DICER1: variants seen among roughly 807,000 people sequenced by gnomAD.
The protein encoded by DICER1 is endoribonuclease Dicer.
DICER1 carries 43 observed loss-of-function variants against 194.1 expected under a neutral mutation model. The observed-to-expected ratio is 0.22, with a 90% CI of 0.17 to 0.29. The LOEUF (loss-of-function observed/expected upper bound fraction) is 0.29. Among genes scored for constraint, DICER1 ranks in the 10% least tolerant of loss-of-function variants. DICER1 has a pLI of 1.00. For missense variants in DICER1, 1,608 were observed against 2,317.0 expected (o/e 0.69, Z 6.28); for synonymous variants, 832 against 820.5 (o/e 1.01, Z -0.24).
intron 1 of DICER1, among the ~76,000 whole-genome samples, chr14:95,135,770 T>C (rs1894316099): frequency 6.6e-6 from 1 of 152,230 alleles, no homozygotes; most frequent in Admixed American, 6.5e-5. Flanking sequence ...TATTCCTCCA[T>C]GTGTGTTTGT....
intron 7 of DICER1, among the ~76,000 whole-genome samples, chr14:95,126,108 T>C (rs1266768571): frequency 6.6e-6 from 1 of 152,178 alleles, no homozygotes; most frequent in Non-Finnish European, 1.5e-5. Flanking sequence ...AATTCAGTCC[T>C]GAGGACCCCA....
intron 1 of DICER1, among the ~76,000 whole-genome samples, chr14:95,146,221 C>T (rs1230746549): frequency 1.3e-5 from 2 of 152,202 alleles, no homozygotes; most frequent in Non-Finnish European, 1.5e-5. Context: ...TTCAAGAGAA[C>T]TACAAGTCCC....
intron 1 of DICER1, among the ~76,000 whole-genome samples, chr14:95,137,513 AGGAAAAG>A (rs1455497693): frequency 6.9e-6 from 1 of 145,256 alleles, no homozygotes; most frequent in African/African-American, 2.5e-5. Flanking sequence ...GGGAAGGGGA[AGGAAAAG>A]GGAAAGGGGA....
chr14:95,147,564 A>ATACAC, intron 1 of DICER1, among the ~76,000 whole-genome samples: 1 of 152,348 alleles, frequency 6.6e-6, no homozygotes, highest in South Asian at 2.1e-4. Flanking sequence ...CTTTGTTCTC[A>ATACAC]CACACCACAT....
chr14:95,140,205 T>G lies in DICER1; in HGVS notation c.-45-6702A>C, dbSNP rs147293380. 4.2e-3 allele frequency among the ~76,000 whole-genome samples: 637 copies of G among 152,286 alleles called. 31 individuals carry two copies. In the South Asian group the frequency reaches 0.1, roughly 24 times the overall value. The stretch of plus-strand genomic sequence containing the variant: ...ACTTACCCTCATGAAACTAGTGAGG[T>G]TGTTTCATAGTTTCCACATATTATG... On this transcript the variant is annotated intron_variant, in intron 1 of 26. Transcript: ENST00000343455.
At chr14:95,153,826 T>C (rs1595516615) in intron 1 of DICER1, among the ~76,000 whole-genome samples, 3 of 152,142 alleles carry the variant, frequency 2.0e-5, no homozygotes, top group Non-Finnish European at 4.4e-5. Context: ...TTGGAAGAAG[T>C]GAAAACTAGC....
chr14:95,105,215 G>A lies in DICER1; in HGVS notation c.3125C>T (p.Pro1042Leu), dbSNP rs1595371223. The A allele has an allele frequency of 2.5e-6, 4 of 1,613,928 alleles. No individual in the cohort carries two copies. The highest frequency in any genetic ancestry group is 3.4e-6 in the Non-Finnish European group (4 of 1,179,984). ...TTTTCTCCACAGTGATGCTGGAATT[G>A]GATGTATAGCACAGAGTTCTGGAAC... ...ILVPELCAIHPIPASLWRKAV... is the reference protein window; with the variant it reads ...ILVPELCAIHLIPASLWRKAV... The change falls in exon 20 of 27, where the codon CCA becomes CTA. Residue 1042 changes from proline (P) to leucine (L), a missense_variant. This residue lies in a region of DICER1 where 79 missense variants were observed against 176.1 expected (regional missense o/e 0.45). Coordinates refer to ENST00000343455, the MANE Select transcript of DICER1 (RefSeq NM_177438.3). This position sits in a 1 kb window ranked among gnomAD's most constrained non-coding sequence, Gnocchi z 4.9.
chr14:95,131,663 T>C, intron 3 of DICER1, 24 bp from the exon 4 acceptor site: 3 of 1,610,672 alleles, frequency 1.9e-6, no homozygotes, highest in Non-Finnish European at 2.5e-6. Context: ...TAATACTCCA[T>C]GTAAATATGA....
chr14:95,090,161 G>T lies in DICER1; in HGVS notation c.*337C>A. The T allele has an allele frequency of 2.5e-6, 1 of 392,424 alleles. No individual in the cohort carries two copies. The highest frequency in any genetic ancestry group is 4.6e-6 in the Non-Finnish European group (1 of 218,306). The allele number at this position is 392,424 out of a possible 1,614,324, so 24.3% of individuals were successfully genotyped here. A position where few individuals can be genotyped will look rare whatever the true frequency, so the allele number is the denominator to read the frequency against. On this transcript the variant is annotated 3_prime_UTR_variant, in exon 27 of 27. Coordinates refer to ENST00000343455, the MANE Select transcript of DICER1 (RefSeq NM_177438.3). ...TGGCCTTCTAACACTAAGCAAAGCT[G>T]ACATAAACTCAAAAAAAAAAAAACA...
At position 95,126,601 on chromosome 14, in the gene DICER1, A is replaced by G; in HGVS notation, c.882T>C (p.Asp294=). 6.5e-7 allele frequency: 1 copy of G among 1,536,958 alleles called. No individual in the cohort carries two copies. The highest frequency in any genetic ancestry group is 9.0e-7 in the Non-Finnish European group (1 of 1,110,156). Residue 294 remains aspartate, a synonymous_variant, in exon 7 of 27, where the codon GAT becomes GAC. Transcript: ENST00000343455. The stretch of plus-strand genomic sequence containing the variant: ...TTACCTGTTTCGAAATTAAAGTAGA[A>G]TCTCTTTCTTTTGAATGTACAGATA... ...CNISVHSKER[D]STLISKQILS...
At chr14:95,115,474 T>C (rs113310388) in intron 11 of DICER1, among the ~76,000 whole-genome samples, 193 bp downstream of exon 11, 169 of 152,318 alleles carry the variant, frequency 1.1e-3, no homozygotes, top group African/African-American at 3.9e-3. Context: ...TGAACTTTTA[T>C]TGCTGCACGA....
At chr14:95,094,350 T>C (rs1168649892) in intron 23 of DICER1, among the ~76,000 whole-genome samples, 194 bp from the exon 24 acceptor site, 1 of 152,204 alleles carries the variant, frequency 6.6e-6, no homozygotes, top group South Asian at 2.1e-4. Flanking sequence ...ATTAAGTACA[T>C]TTCTTATATA....
At chr14:95,149,055 C>T (rs1438657564) in intron 1 of DICER1, among the ~76,000 whole-genome samples, 3 of 152,132 alleles carry the variant, frequency 2.0e-5, no homozygotes, top group Non-Finnish European at 4.4e-5. Flanking sequence ...TCCTGAGCAG[C>T]TGAGACTACA....
chr14:95,113,597 T>C (rs1892174274), intron 11 of DICER1, among the ~76,000 whole-genome samples: 1 of 152,214 alleles, frequency 6.6e-6, no homozygotes, highest in Non-Finnish European at 1.5e-5. Flanking sequence ...TAAGAAAACA[T>C]ACTGCCAATG....
At chr14:95,152,600 C>CTTAATT (rs1342403063) in intron 1 of DICER1, among the ~76,000 whole-genome samples, 1 of 152,196 alleles carries the variant, frequency 6.6e-6, no homozygotes, top group African/African-American at 2.4e-5. Context: ...TAAGGCCAAA[C>CTTAATT]TTAAGCCTGT....
chr14:95,153,081 G>A (rs1217114576), intron 1 of DICER1, among the ~76,000 whole-genome samples: 1 of 152,122 alleles, frequency 6.6e-6, no homozygotes, highest in Non-Finnish European at 1.5e-5. Flanking sequence ...GCAGGGTGTG[G>A]TGGCGGGCAC....
chr14:95,106,310 G>A (rs548538861), intron 17 of DICER1, 87 bp from the exon 18 acceptor site: 3 of 996,142 alleles, frequency 3.0e-6, no homozygotes, highest in East Asian at 5.1e-5. Flanking sequence ...GTATGGAAAT[G>A]ATGATTAAGA....
chr14:95,125,066 T>C (rs1893289838), intron 7 of DICER1, among the ~76,000 whole-genome samples: 1 of 152,218 alleles, frequency 6.6e-6, no homozygotes, highest in African/African-American at 2.4e-5. Context: ...GAACTTTATG[T>C]ACAATATTCT....
In DICER1 at chr14:95,124,559, T is replaced by G. The variant is rs587778232; in HGVS notation, c.1013A>C (p.Glu338Ala). Residue 338 changes from glutamate to alanine, a missense_variant, in exon 8 of 27, where the codon GAG becomes GCG. Transcript: ENST00000343455. This position sits in a 1 kb window ranked among gnomAD's most constrained non-coding sequence, Gnocchi z 4.5. ...ELQKYIKHEQEELHRKFLLFT... is the reference protein window; with the variant it reads ...ELQKYIKHEQAELHRKFLLFT... ...CAATAAAAATTTCCTGTGCAGCTCC[T>G]CTTGCTCATGTTTGATGTATTTCTG... 1.5e-5 allele frequency: 24 copies of G among 1,613,908 alleles called. No homozygotes were observed. The East Asian group carries it at 4.9e-4, about 33-fold the overall frequency.
Sources: allele counts gnomAD v4.1 joint callset (sites outside exome capture counted in the v4.1 genomes callset), GRCh38; gene constraint gnomAD v4.1.1; regional missense constraint gnomAD v4.1.1; non-coding constraint Gnocchi (gnomAD v3.1); transcripts MANE v1.5; gene names NCBI Gene and HGNC (gene_info 2026-07-23, HGNC 2026-07-21).